The following RABGAP1L variants were observed in gnomAD, a reference collection of about 807,000 sequenced individuals.
RABGAP1L encodes RAB GTPase activating protein 1 like.
RABGAP1L carries 63 observed loss-of-function variants against 137.7 expected under a neutral mutation model. The observed-to-expected ratio is 0.46, with a 90% CI of 0.37 to 0.56. RABGAP1L has a LOEUF of 0.56. Among genes scored for constraint, RABGAP1L ranks in the 20% least tolerant of loss-of-function variants. The pLI is 0.00. For synonymous variants in RABGAP1L, 431 were observed against 433.7 expected (o/e 0.99, Z 0.08); for missense variants, 1,095 against 1,244.0 (o/e 0.88, Z 1.80).
intron 13 of RABGAP1L, among the ~76,000 whole-genome samples, chr1:174,576,727 A>G (rs1668401063): frequency 6.6e-6 from 1 of 152,232 alleles, no homozygotes; most frequent in East Asian, 1.9e-4. Context: ...ACTGAGCTAG[A>G]TCTCTAAAGC....
chr1:174,930,260 A>G (rs1331979880), intron 19 of RABGAP1L, among the ~76,000 whole-genome samples: 3 of 151,798 alleles, frequency 2.0e-5, no homozygotes, highest in Non-Finnish European at 4.4e-5. Context: ...GCCTCTAGCA[A>G]TCCTCCTGCC....
chr1:174,900,237 C>T (rs919039383), intron 19 of RABGAP1L, among the ~76,000 whole-genome samples: 2 of 152,154 alleles, frequency 1.3e-5, no homozygotes, highest in South Asian at 2.1e-4. Flanking sequence ...AACCAAAGCA[C>T]GGATTTACTG....
intron 11 of RABGAP1L, among the ~76,000 whole-genome samples, chr1:174,335,086 T>TA (rs1329874799): frequency 1.3e-5 from 2 of 152,092 alleles, no homozygotes; most frequent in Admixed American, 6.5e-5. Flanking sequence ...ATCACCTATA[T>TA]AAAAAAAAGC....
chr1:174,579,063 A>G (rs1668564613), intron 13 of RABGAP1L, among the ~76,000 whole-genome samples: 1 of 152,124 alleles, frequency 6.6e-6, no homozygotes, highest in South Asian at 2.1e-4. Flanking sequence ...TCCCAAATAT[A>G]TTTGCTATGT....
At chr1:174,648,946 A>G (rs1675220431) in intron 14 of RABGAP1L, among the ~76,000 whole-genome samples, 1 of 152,032 alleles carries the variant, frequency 6.6e-6, no homozygotes, top group Non-Finnish European at 1.5e-5. Flanking sequence ...TCCCTTTACC[A>G]TTATGTAATG....
rs1458144711 is a variant in RABGAP1L, at chr1:174,969,407, CTG to C, written c.2544+23_2544+24del. 5.9e-6 allele frequency: 9 copies of C among 1,516,528 alleles called. No homozygotes were observed. In the Admixed American group the frequency reaches 7.8e-5, roughly 13 times the overall value. The allele number at this position is 1,516,528 out of a possible 1,614,324, so 93.9% of individuals were successfully genotyped here. A position where few individuals can be genotyped will look rare whatever the true frequency, so the allele number is the denominator to read the frequency against. On this transcript the variant is annotated intron_variant, in intron 21 of 25. Transcript: ENST00000681986. Reference sequence around the variant, plus strand: ...GATCAGGTAATCCTTAGAAATGAGACTGTGATGACTTCCTCAGGGCAAAGACC... The same window carrying C: ...GATCAGGTAATCCTTAGAAATGAGACTGATGACTTCCTCAGGGCAAAGACC...
At chr1:174,453,480 T>TA (rs1285951416) in intron 13 of RABGAP1L, among the ~76,000 whole-genome samples, 3 of 152,278 alleles carry the variant, frequency 2.0e-5, no homozygotes, top group Admixed American at 2.0e-4. Context: ...AATAAGTAGA[T>TA]AAAAAAGATT....
Position 174,779,414 on chromosome 1 carries a change from C to A in RABGAP1L, c.2211+27060C>A, listed in dbSNP as rs144691595. 5.9e-5 allele frequency among the ~76,000 whole-genome samples: 9 copies of A among 152,260 alleles called. No individual in the cohort carries two copies. In the East Asian group the frequency reaches 1.7e-3, roughly 29 times the overall value. On this transcript the variant is annotated intron_variant, in intron 18 of 25. Transcript: ENST00000681986. ...GTATGTGTATGTCTTGTCTTGAATT[C>A]TTCAATTAAACTGTTTATTTTTTAA...
intron 18 of RABGAP1L, among the ~76,000 whole-genome samples, chr1:174,757,514 AATATAAATATAAT>A (rs1401237796): frequency 2.0e-5 from 3 of 148,628 alleles, no homozygotes; most frequent in Admixed American, 1.3e-4. Context: ...GCAAGTTATA[AATATAAATATAAT>A]ATATAAATAT....
intron 13 of RABGAP1L, among the ~76,000 whole-genome samples, chr1:174,414,225 T>C (rs973112810): frequency 1.3e-5 from 2 of 152,112 alleles, no homozygotes; most frequent in African/African-American, 4.8e-5. Context: ...TTATCACAGA[T>C]CTTCAAAAAA....
At chr1:174,660,753 T>G (rs965021908) in intron 14 of RABGAP1L, among the ~76,000 whole-genome samples, 1 of 152,240 alleles carries the variant, frequency 6.6e-6, no homozygotes, top group Non-Finnish European at 1.5e-5. Context: ...TGGCTTGTTT[T>G]TTAACCTCTC....
intron 1 of RABGAP1L, among the ~76,000 whole-genome samples, chr1:174,175,311 G>C (rs989989312): frequency 6.6e-6 from 1 of 152,048 alleles, no homozygotes; most frequent in Non-Finnish European, 1.5e-5. Flanking sequence ...TGTTCTGGAT[G>C]GCATGAAGTT....
intron 1 of RABGAP1L, among the ~76,000 whole-genome samples, chr1:174,210,988 G>C (rs1668843594): frequency 6.6e-6 from 1 of 152,072 alleles, no homozygotes; most frequent in Non-Finnish European, 1.5e-5. Context: ...TAATATGTTT[G>C]GTGAAAATAT....
In RABGAP1L at chr1:174,320,372, G is replaced by A. The variant is rs1000684650; in HGVS notation, c.1465+15245G>A. ...AGTCTTTTGTATCTGGCTTCTTTAC[G>A]TAGCATAATGCCTTTTAGATTTATG... is the stretch of plus-strand genomic sequence containing the variant. On this transcript the variant is annotated intron_variant, in intron 11 of 25. Transcript: ENST00000681986. Among the ~76,000 whole-genome samples, 26 of 152,048 alleles carry A rather than the reference G, an allele frequency of 1.7e-4. 1 individual carries two copies. The highest frequency in any genetic ancestry group is 1.4e-3 in the Admixed American group (22 of 15,256).
chr1:174,695,279 C>T (rs1679166649), intron 15 of RABGAP1L, among the ~76,000 whole-genome samples: 1 of 152,020 alleles, frequency 6.6e-6, no homozygotes, highest in Admixed American at 6.6e-5. Flanking sequence ...ATCTTGCAGG[C>T]ATGCCTAATG....
intron 13 of RABGAP1L, among the ~76,000 whole-genome samples, chr1:174,529,885 T>G (rs1227187020): frequency 6.6e-6 from 1 of 151,718 alleles, no homozygotes; most frequent in Non-Finnish European, 1.5e-5. Flanking sequence ...CCCATGGGAG[T>G]AGTGTTCAGA....
intron 19 of RABGAP1L, among the ~76,000 whole-genome samples, chr1:174,954,827 C>T (rs898353875): frequency 6.6e-6 from 1 of 152,180 alleles, no homozygotes; most frequent in African/African-American, 2.4e-5. Flanking sequence ...ATTGGAGACA[C>T]CTTGTTACTG....
At chr1:174,852,728 A>G (rs575283483) in intron 19 of RABGAP1L, among the ~76,000 whole-genome samples, 1 of 152,214 alleles carries the variant, frequency 6.6e-6, no homozygotes, top group East Asian at 1.9e-4. Context: ...AGGCAAGAGA[A>G]TCACTTGAAC....
chr1:174,836,172 T>G (rs1019369113), intron 19 of RABGAP1L, among the ~76,000 whole-genome samples: 4 of 152,236 alleles, frequency 2.6e-5, no homozygotes, highest in Non-Finnish European at 4.4e-5. Context: ...TTCATTTCTT[T>G]TCTCTTTTTT....
Sources: gnomAD v4.1 joint callset for allele counts (sites outside exome capture counted in the v4.1 genomes callset) on GRCh38, gnomAD v4.1.1 for gene constraint, MANE v1.5 for transcripts, NCBI Gene and HGNC (gene_info 2026-07-23, HGNC 2026-07-21) for gene names.